Variants in PRKAG2 observed in about 807,000 individuals in gnomAD.
PRKAG2 encodes the protein protein kinase AMP-activated non-catalytic subunit gamma 2.
Under a neutral mutation model 69.6 loss-of-function variants are expected in PRKAG2, and 26 were observed. The observed-to-expected ratio is 0.37, with a 90% CI of 0.27 to 0.52. The LOEUF (loss-of-function observed/expected upper bound fraction) is 0.52, where lower values mean the gene tolerates loss of function less well. PRKAG2 is among the 20% of genes least tolerant of loss of function. The pLI is 0.90. For synonymous variants in PRKAG2, 293 were observed against 285.0 expected, an observed-to-expected ratio of 1.03 and a Z score of -0.28; for missense variants, 557 against 740.0, an observed-to-expected ratio of 0.75 and a Z score of 2.87.
At position 151,780,260 on chromosome 7, in the gene PRKAG2, C is replaced by T. The variant is rs556778428; in HGVS notation, c.466+892G>A. ...TTCGAAGTCAGAAACACCGAAATTC[C>T]CCTCTTGCTGCCGCCTGGCCTTGCA... is the stretch of plus-strand genomic sequence containing the variant. On this transcript the variant is annotated intron_variant, in intron 3 of 15. Transcript: ENST00000287878. The surrounding 1 kb of genome is among the most constrained non-coding windows in gnomAD (Gnocchi z 4.2). Among the ~76,000 whole-genome samples the T allele has an allele frequency of 2.6e-5, 4 of 152,324 alleles. No individual in the cohort carries two copies. Among genetic ancestry groups the T allele is most frequent in the Middle Eastern group, 3.4e-3 (1 of 294 alleles).
intron 5 of PRKAG2, among the ~76,000 whole-genome samples, chr7:151,613,068 G>A (rs1585223777): frequency 6.6e-6 from 1 of 152,190 alleles, no homozygotes; most frequent in African/African-American, 2.4e-5. Context: ...AGAAAGACAG[G>A]TGAGGCAGGG....
chr7:151,844,179 T>G (rs1345249748), intron 1 of PRKAG2, among the ~76,000 whole-genome samples: 1 of 152,184 alleles, frequency 6.6e-6, no homozygotes, highest in African/African-American at 2.4e-5. Flanking sequence ...AGAGCGTGGC[T>G]CTGAAGTTGT....
At chr7:151,851,945 C>T (rs1036227070) in intron 1 of PRKAG2, among the ~76,000 whole-genome samples, 2 of 152,178 alleles carry the variant, frequency 1.3e-5, no homozygotes, top group Admixed American at 1.3e-4. Context: ...CACTCCCTCT[C>T]AGCTGGAGGG....
Position 151,859,391 on chromosome 7 carries a change from G to A in PRKAG2, c.114+17116C>T, listed in dbSNP as rs547051708. Among the ~76,000 whole-genome samples, 3 of 152,342 alleles carry A rather than the reference G, an allele frequency of 2.0e-5. No individual in the cohort carries two copies. In the South Asian group the frequency reaches 6.2e-4, roughly 32 times the overall value. ...TGGAGAGGGTGGGATGCGACTGCCA[G>A]CCCCGTGGAAAGGTATGATTCTCCA... On this transcript the variant is annotated intron_variant, in intron 1 of 15. Coordinates refer to ENST00000287878, the MANE Select transcript of PRKAG2 (RefSeq NM_016203.4).
At chr7:151,731,130 A>G (rs1307291622) in intron 3 of PRKAG2, among the ~76,000 whole-genome samples, 1 of 152,224 alleles carries the variant, frequency 6.6e-6, no homozygotes, top group Non-Finnish European at 1.5e-5. Context: ...GATTAGCATA[A>G]TCCTTTCCTA....
chr7:151,707,347 G>T (rs1432811431), intron 3 of PRKAG2, among the ~76,000 whole-genome samples: 1 of 152,138 alleles, frequency 6.6e-6, no homozygotes, highest in Non-Finnish European at 1.5e-5. Context: ...TGTGGAGCAG[G>T]GTAGCTGAGG....
intron 1 of PRKAG2, among the ~76,000 whole-genome samples, chr7:151,832,966 T>A (rs545347314): frequency 3.3e-5 from 5 of 152,216 alleles, no homozygotes; most frequent in South Asian, 2.1e-4. Context: ...GGGGGACATC[T>A]TGGAGGAGGT....
At chr7:151,576,475 A>G (rs1808960308) in intron 6 of PRKAG2, 23 bp from the exon 7 acceptor site, 3 of 1,543,294 alleles carry the variant, frequency 1.9e-6, no homozygotes, top group Admixed American at 1.7e-5. Context: ...AGGAGAAACA[A>G]AACATACTTT....
intron 1 of PRKAG2, among the ~76,000 whole-genome samples, chr7:151,875,703 G>A (rs1281099172): frequency 6.6e-6 from 1 of 151,666 alleles, no homozygotes; most frequent in Non-Finnish European, 1.5e-5. Context: ...GTGGAGGCGA[G>A]GAACAGTGGC....
At chr7:151,658,482 C>CAAAA (rs11286706) in intron 4 of PRKAG2, among the ~76,000 whole-genome samples, 9 of 105,514 alleles carry the variant, frequency 8.5e-5, no homozygotes, top group Non-Finnish European at 1.2e-4. Flanking sequence ...AAGATTGTCG[C>CAAAA]AAAAAAAAAA....
chr7:151,834,788 G>C (rs1354203323), intron 1 of PRKAG2, among the ~76,000 whole-genome samples: 5 of 152,242 alleles, frequency 3.3e-5, no homozygotes, highest in African/African-American at 1.2e-4. Flanking sequence ...CTCCTGGGGG[G>C]CTTTGAACAA....
At chr7:151,649,305 T>C (rs931217657) in intron 4 of PRKAG2, among the ~76,000 whole-genome samples, 1 of 152,124 alleles carries the variant, frequency 6.6e-6, no homozygotes, top group Non-Finnish European at 1.5e-5. Flanking sequence ...TGTGTATGTT[T>C]AGCAGAGATG....
rs1168762100 is a variant in PRKAG2, at chr7:151,632,408, C to T, written c.685-270G>A. The T allele has an allele frequency of 4.0e-6, 2 of 504,480 alleles. No homozygotes were observed. The highest frequency in any genetic ancestry group is 6.5e-5 in the Admixed American group (1 of 15,424). The allele number at this position is 504,480 out of a possible 1,614,324, so 31.3% of individuals were successfully genotyped here. A position where few individuals can be genotyped will look rare whatever the true frequency, so the allele number is the denominator to read the frequency against. On this transcript the variant is annotated intron_variant, in intron 4 of 15. Transcript: ENST00000287878. The surrounding 1 kb of genome is among the most constrained non-coding windows in gnomAD (Gnocchi z 4.2). Reference sequence around the variant, plus strand: ...CGCCGCTCCCCCCCGCGCCTTGGTACGGCCCGCCCGGGAGGAAGCGTGGGA... The same window carrying T: ...CGCCGCTCCCCCCCGCGCCTTGGTATGGCCCGCCCGGGAGGAAGCGTGGGA...
chr7:151,622,619 C>T (rs1821808235), intron 5 of PRKAG2, among the ~76,000 whole-genome samples: 1 of 152,164 alleles, frequency 6.6e-6, no homozygotes, highest in Non-Finnish European at 1.5e-5. Context: ...TTCTTGTGAG[C>T]TTGAACAAAT....
intron 4 of PRKAG2, among the ~76,000 whole-genome samples, chr7:151,661,908 T>C (rs1366507085): frequency 1.3e-5 from 2 of 152,220 alleles, no homozygotes; most frequent in Non-Finnish European, 2.9e-5. Flanking sequence ...CCAGCTAAAG[T>C]TAATGCTTTT....
chr7:151,781,444 A>G lies in PRKAG2; in HGVS notation c.187-13T>C, dbSNP rs1189948552. On this transcript the variant is annotated splice_polypyrimidine_tract_variant and intron_variant, in intron 2 of 15. Transcript: ENST00000287878. This position sits in a 1 kb window ranked among gnomAD's most constrained non-coding sequence, Gnocchi z 6.1. ...AGGGGCTGTCCACCTGCAGAAAAAC[A>G]GACGAATGGATGCAGTCACTCCACG... 2.5e-6 allele frequency: 4 copies of G among 1,596,920 alleles called. No individual in the cohort carries two copies. In the East Asian group the frequency reaches 9.0e-5, roughly 36 times the overall value.
chr7:151,770,742 A>G (rs1255033690), intron 3 of PRKAG2, among the ~76,000 whole-genome samples: 2 of 152,190 alleles, frequency 1.3e-5, no homozygotes, highest in Non-Finnish European at 2.9e-5. Flanking sequence ...AAACACATCA[A>G]CCAGTCTCAG....
chr7:151,612,377 T>A (rs1220266171), intron 5 of PRKAG2, among the ~76,000 whole-genome samples: 3 of 152,160 alleles, frequency 2.0e-5, no homozygotes, highest in Admixed American at 2.0e-4. Flanking sequence ...CTTTTAGGTA[T>A]AAGGCTTGTC....
At chr7:151,672,550 C>G (rs1172718540) in intron 4 of PRKAG2, among the ~76,000 whole-genome samples, 1 of 152,020 alleles carries the variant, frequency 6.6e-6, no homozygotes, top group East Asian at 1.9e-4. Flanking sequence ...CCCCTCCCCC[C>G]AGCCCCCGGT....
Sources: gnomAD v4.1 joint callset for allele counts (sites outside exome capture counted in the v4.1 genomes callset) on GRCh38, gnomAD v4.1.1 for gene constraint, Gnocchi (gnomAD v3.1) non-coding constraint, MANE v1.5 for transcripts, NCBI Gene and HGNC (gene_info 2026-07-23, HGNC 2026-07-21) for gene names.